The following GPATCH8 variants were observed in gnomAD, a reference collection of about 807,000 sequenced individuals.
GPATCH8 encodes the protein G-patch domain containing 8.
A neutral mutation model predicts 118.3 loss-of-function variants in GPATCH8; 18 were observed. The observed-to-expected ratio is 0.15, with a 90% CI of 0.11 to 0.23. GPATCH8 has a LOEUF of 0.23. Among genes scored for constraint, GPATCH8 ranks in the 10% least tolerant of loss-of-function variants. GPATCH8 has a pLI of 1.00. For missense variants in GPATCH8, 1,631 were observed against 1,873.8 expected, an observed-to-expected ratio of 0.87 and a Z score of 2.39; for synonymous variants, 659 against 684.7, an observed-to-expected ratio of 0.96 and a Z score of 0.59.
intron 1 of GPATCH8, among the ~76,000 whole-genome samples, chr17:44,485,504 G>A (rs148300229): frequency 2.4e-3 from 366 of 152,088 alleles, no homozygotes; most frequent in African/African-American, 8.7e-3. Flanking sequence ...TCGACTCACT[G>A]CAGACTCCGT....
rs748593696 is a variant in GPATCH8 at position 44,398,314 on chromosome 17, A to G, written c.3763T>C (p.Ser1255Pro). 12 of 1,613,670 alleles carry G rather than the reference A, an allele frequency of 7.4e-6. No individual in the cohort carries two copies. In the African/African-American group the frequency reaches 1.5e-4, roughly 20 times the overall value. ...CCTGGCTGACTGCTGCTATCCAGGG[A>G]CTCCAGGGTGTCCCCATCACTGGGG... ...PDPSDGDTLE[S>P]LDSSSQPGPV... Residue 1255 changes from serine (S) to proline (P), a missense_variant, in exon 8 of 8, where the codon TCC (serine) becomes CCC (proline). Coordinates refer to ENST00000591680, the MANE Select transcript of GPATCH8 (RefSeq NM_001002909.4).
intron 2 of GPATCH8, among the ~76,000 whole-genome samples, chr17:44,471,807 T>A (rs1468606918): frequency 6.6e-6 from 1 of 151,368 alleles, no homozygotes; most frequent in Non-Finnish European, 1.5e-5. Flanking sequence ...GAACACTACC[T>A]ACTTTGATGC....
Position 44,399,809 on chromosome 17 carries a change from C to A in GPATCH8, c.2268G>T (p.Arg756=). Residue 756 remains arginine (R), a synonymous_variant, in exon 8 of 8, where the codon CGG becomes CGT. Coordinates refer to ENST00000591680, the MANE Select transcript of GPATCH8 (RefSeq NM_001002909.4). ...TCCCCTCTTCAGCTGGGAGGGATCT[C>A]CGCTGGGAGTCATCTTGAGCTCTCC... The part of the protein sequence containing the change: ...RRRRAQDDSQ[R]RSLPAEEGSS... The A allele has an allele frequency of 1.2e-6, 2 of 1,613,554 alleles. No individual in the cohort carries two copies. Among genetic ancestry groups the A allele is most frequent in the Non-Finnish European group, 1.7e-6 (2 of 1,179,768 alleles).
intron 3 of GPATCH8, among the ~76,000 whole-genome samples, chr17:44,460,534 T>C (rs755268560): frequency 6.6e-6 from 1 of 152,194 alleles, no homozygotes; most frequent in Non-Finnish European, 1.5e-5. Flanking sequence ...ACATCAGCAC[T>C]GGAGCACCAA....
At chr17:44,440,121 T>C (rs185539147) in intron 3 of GPATCH8, among the ~76,000 whole-genome samples, 13 of 152,282 alleles carry the variant, frequency 8.5e-5, no homozygotes, top group Admixed American at 4.6e-4. Context: ...TCCCTACTTC[T>C]TGGTTTCTTT....
chr17:44,404,503 GATTT>G (rs1053024540), intron 7 of GPATCH8, among the ~76,000 whole-genome samples: 1 of 152,004 alleles, frequency 6.6e-6, no homozygotes. Flanking sequence ...ATAATTTATT[GATTT>G]ATTGAGAATC....
At chr17:44,405,417 A>G (rs562298994) in intron 7 of GPATCH8, among the ~76,000 whole-genome samples, 1 of 152,068 alleles carries the variant, frequency 6.6e-6, no homozygotes, top group African/African-American at 2.4e-5. Flanking sequence ...CATGTTGGTC[A>G]GGCTGGTCTC....
Position 44,395,888 on chromosome 17 carries a change from A to T in GPATCH8, c.*1680T>A, listed in dbSNP as rs1307202652. On this transcript the variant is annotated 3_prime_UTR_variant, in exon 8 of 8. Transcript: ENST00000591680. ...CCTGCAACACAAGCACCTTTGGGTCAGTGTGTTAATTAGGGCTGAGAGCCT... is the reference window on the plus strand; with the variant it reads ...CCTGCAACACAAGCACCTTTGGGTCTGTGTGTTAATTAGGGCTGAGAGCCT... 2.2e-6 allele frequency: 1 copy of T among 454,204 alleles called. No individual in the cohort carries two copies. Among genetic ancestry groups the T allele is most frequent in the Admixed American group, 2.3e-5 (1 of 42,570 alleles). 28.1% of individuals were successfully genotyped at this position (454,204 alleles called of 1,614,324 possible).
At chr17:44,412,989 G>C (rs1449517116) in intron 6 of GPATCH8, among the ~76,000 whole-genome samples, 5 of 152,164 alleles carry the variant, frequency 3.3e-5, no homozygotes, top group African/African-American at 1.2e-4. Context: ...CACCCAAGAA[G>C]ATATCACCAG....
chr17:44,452,188 G>A (rs2051136000), intron 3 of GPATCH8, among the ~76,000 whole-genome samples: 2 of 148,732 alleles, frequency 1.3e-5, no homozygotes, highest in Admixed American at 6.9e-5. Context: ...CAGGGGAATT[G>A]CTTGAACCAG....
chr17:44,414,129 GTA>G (rs57203975), intron 6 of GPATCH8, among the ~76,000 whole-genome samples: 7,035 of 42,882 alleles, frequency 0.16, 506 homozygotes, highest in African/African-American at 0.27. Context: ...ATATATATGT[GTA>G]TATATATATA....
chr17:44,410,719 T>C (rs990387502), intron 6 of GPATCH8, among the ~76,000 whole-genome samples: 2 of 152,182 alleles, frequency 1.3e-5, no homozygotes, highest in African/African-American at 2.4e-5. Flanking sequence ...ACAGCATTTT[T>C]CCAAAACAGT....
At chr17:44,465,517 C>T (rs2051727409) in intron 2 of GPATCH8, 1 of 152,032 alleles carries the variant, frequency 6.6e-6, no homozygotes, top group African/African-American at 2.4e-5. Context: ...TGTGAAGTAC[C>T]AAGACAAGGC....
intron 6 of GPATCH8, among the ~76,000 whole-genome samples, chr17:44,416,095 T>G (rs2049671369): frequency 6.6e-6 from 1 of 152,206 alleles, no homozygotes; most frequent in African/African-American, 2.4e-5. Context: ...CTCTGTCTTC[T>G]GGGTTCAAGC....
rs148025153 is a variant in GPATCH8 at position 44,494,553 on chromosome 17, T to C, written c.45+8773A>G. Among the ~76,000 whole-genome samples the C allele has an allele frequency of 4.1e-3, 630 of 152,146 alleles. 4 individuals carry two copies. Among genetic ancestry groups the C allele is most frequent in the African/African-American group, 0.014 (586 of 41,490 alleles). On this transcript the variant is annotated intron_variant, in intron 1 of 7. Coordinates refer to ENST00000591680, the MANE Select transcript of GPATCH8 (RefSeq NM_001002909.4). ...GTTGCAGTGAGCCAAGACTGCACCATTGCACTCCAGCCTGGGCAATGAGAG... is the reference window on the plus strand; with the variant it reads ...GTTGCAGTGAGCCAAGACTGCACCACTGCACTCCAGCCTGGGCAATGAGAG...
intron 1 of GPATCH8, among the ~76,000 whole-genome samples, chr17:44,494,238 A>G (rs896325093): frequency 6.6e-6 from 1 of 151,928 alleles, no homozygotes; most frequent in African/African-American, 2.4e-5. Context: ...CTCACTACCT[A>G]CATTGCTGCC....
At chr17:44,420,652 G>T (rs2049864813) in intron 6 of GPATCH8, among the ~76,000 whole-genome samples, 1 of 152,216 alleles carries the variant, frequency 6.6e-6, no homozygotes, top group East Asian at 1.9e-4. Context: ...AGGTGTGCAG[G>T]AGAATAAACA....
intron 5 of GPATCH8, among the ~76,000 whole-genome samples, chr17:44,430,749 T>A (rs1355202875): frequency 6.6e-6 from 1 of 151,366 alleles, no homozygotes; most frequent in Admixed American, 6.6e-5. Context: ...TTCAAGCGAT[T>A]CTCCTGCCTC....
chr17:44,449,357 T>G (rs1019915105), intron 3 of GPATCH8, among the ~76,000 whole-genome samples: 4 of 152,096 alleles, frequency 2.6e-5, no homozygotes, highest in Non-Finnish European at 5.9e-5. Context: ...AGAATCGACA[T>G]TAAATTTTTT....
Sources: gnomAD v4.1 joint callset for allele counts (sites outside exome capture counted in the v4.1 genomes callset) on GRCh38, gnomAD v4.1.1 for gene constraint, MANE v1.5 for transcripts, NCBI Gene and HGNC (gene_info 2026-07-23, HGNC 2026-07-21) for gene names.